The following B3GALT1 variants were observed in gnomAD, a reference collection of about 807,000 sequenced individuals.
B3GALT1 encodes the protein UDP-Gal:betaGlcNAc beta 1,3-galactosyltransferase, polypeptide 1.
A neutral mutation model predicts 23.2 loss-of-function variants in B3GALT1; 10 were observed. The ratio of observed to expected loss-of-function variants is 0.43; its 90% CI spans 0.27 to 0.73. B3GALT1 has a LOEUF of 0.73. Among genes scored for constraint, B3GALT1 ranks in the 30% least tolerant of loss-of-function variants. The pLI is 0.21. For synonymous variants in B3GALT1, 156 were observed against 141.5 expected, an observed-to-expected ratio of 1.10 and a Z score of -0.73; for missense variants, 299 against 405.4, an observed-to-expected ratio of 0.74 and a Z score of 2.25.
At chr2:167,473,681 C>A (rs1350053383) in intron 1 of B3GALT1, among the ~76,000 whole-genome samples, 1 of 151,968 alleles carries the variant, frequency 6.6e-6, no homozygotes, top group African/African-American at 2.4e-5. Flanking sequence ...TTATCACAAT[C>A]AAGAGATGGA....
intron 1 of B3GALT1, among the ~76,000 whole-genome samples, chr2:167,488,614 G>A (rs1190895801): frequency 6.6e-6 from 1 of 152,204 alleles, no homozygotes; most frequent in Non-Finnish European, 1.5e-5. Context: ...TACAAGTTGA[G>A]TTACAATAAA....
At chr2:167,655,551 G>A (rs1683949634) in intron 3 of B3GALT1, among the ~76,000 whole-genome samples, 1 of 152,144 alleles carries the variant, frequency 6.6e-6, no homozygotes, top group African/African-American at 2.4e-5. Context: ...TAGCAAGGGA[G>A]CTCAGAAAGT....
At chr2:167,604,772 T>G (rs1338678500) in intron 2 of B3GALT1, among the ~76,000 whole-genome samples, 1 of 152,228 alleles carries the variant, frequency 6.6e-6, no homozygotes, top group African/African-American at 2.4e-5. Flanking sequence ...GGGACAGGCA[T>G]GTTTGGTGCC....
chr2:167,744,711 C>A (rs1404947842), intron 3 of B3GALT1, among the ~76,000 whole-genome samples: 2 of 152,274 alleles, frequency 1.3e-5, no homozygotes, highest in South Asian at 2.1e-4. Flanking sequence ...CCTGCATCAG[C>A]CTCCCAGGTG....
intron 1 of B3GALT1, among the ~76,000 whole-genome samples, chr2:167,294,605 T>TA (rs775050974): frequency 1.3e-5 from 2 of 152,286 alleles, no homozygotes; most frequent in Middle Eastern, 6.8e-3. Flanking sequence ...AGTATCTGCT[T>TA]AGGAAAGTTC....
chr2:167,426,582 G>A (rs1454471564), intron 1 of B3GALT1, among the ~76,000 whole-genome samples: 1 of 152,132 alleles, frequency 6.6e-6, no homozygotes, highest in Non-Finnish European at 1.5e-5. Flanking sequence ...TGGACACAGT[G>A]AAGAAGTGTC....
intron 4 of B3GALT1, among the ~76,000 whole-genome samples, chr2:167,861,855 C>T (rs1690107668): frequency 1.3e-5 from 2 of 152,202 alleles, no homozygotes; most frequent in South Asian, 4.1e-4. Flanking sequence ...TTTCAGATGT[C>T]TTACCAGCTC....
intron 1 of B3GALT1, among the ~76,000 whole-genome samples, chr2:167,346,878 C>T (rs572419654): frequency 6.6e-6 from 1 of 152,162 alleles, no homozygotes; most frequent in East Asian, 1.9e-4. Flanking sequence ...ATTTTCTACA[C>T]ACTGCTCAAA....
intron 1 of B3GALT1, among the ~76,000 whole-genome samples, chr2:167,384,193 A>T (rs954300906): frequency 6.6e-6 from 1 of 152,184 alleles, no homozygotes. Context: ...GAGTTTGAAA[A>T]CTATATTTAA....
At chr2:167,510,661 T>G (rs1433254719) in intron 2 of B3GALT1, among the ~76,000 whole-genome samples, 3 of 152,012 alleles carry the variant, frequency 2.0e-5, no homozygotes, top group Non-Finnish European at 2.9e-5. Flanking sequence ...ATTTTCAGGG[T>G]TTTCACCTGA....
chr2:167,638,543 C>T (rs778695517), intron 2 of B3GALT1, among the ~76,000 whole-genome samples: 1 of 151,986 alleles, frequency 6.6e-6, no homozygotes, highest in Non-Finnish European at 1.5e-5. Flanking sequence ...AACACATACT[C>T]CAGTGACTCT....
chr2:167,752,290 A>G (rs371669452), intron 3 of B3GALT1, among the ~76,000 whole-genome samples: 2 of 152,186 alleles, frequency 1.3e-5, no homozygotes, highest in African/African-American at 4.8e-5. Context: ...TTTTAACCTT[A>G]TATGTATATT....
rs192459773 is a variant in B3GALT1, at chr2:167,374,171, A to G, written c.-511+80837A>G. Among the ~76,000 whole-genome samples, 329 of 152,292 alleles carry G rather than the reference A, an allele frequency of 2.2e-3. 1 individual carries two copies. Among genetic ancestry groups the G allele is most frequent in the Admixed American group, 3.5e-3 (53 of 15,290 alleles). The stretch of plus-strand genomic sequence containing the variant: ...AGGATAATTGTCTCCAGCTGCGTCC[A>G]TGCAGCTGGCAATGGATATGATTTT... On this transcript the variant is annotated intron_variant, in intron 1 of 4. Coordinates refer to ENST00000392690, the MANE Select transcript of B3GALT1 (RefSeq NM_020981.4).
At chr2:167,828,957 TCA>T (rs1333786643) in intron 4 of B3GALT1, among the ~76,000 whole-genome samples, 1 of 152,184 alleles carries the variant, frequency 6.6e-6, no homozygotes, top group African/African-American at 2.4e-5. Context: ...ATGCTGTCCC[TCA>T]CAACTGACTG....
chr2:167,843,892 T>C (rs1460353865), intron 4 of B3GALT1, among the ~76,000 whole-genome samples: 1 of 152,188 alleles, frequency 6.6e-6, no homozygotes, highest in Non-Finnish European at 1.5e-5. Flanking sequence ...GTGCCTTTGT[T>C]CTCTGACACC....
chr2:167,355,170 C>G (rs541392165), intron 1 of B3GALT1, among the ~76,000 whole-genome samples: 1 of 152,340 alleles, frequency 6.6e-6, no homozygotes, highest in Admixed American at 6.5e-5. Context: ...TTCTTTACCT[C>G]TTTCTCTTTT....
intron 1 of B3GALT1, among the ~76,000 whole-genome samples, chr2:167,319,452 ATACC>A (rs1407823369): frequency 5.9e-5 from 9 of 152,100 alleles, no homozygotes; most frequent in Admixed American, 5.2e-4. Context: ...CAGTTATCAA[ATACC>A]TATGCAAACA....
intron 3 of B3GALT1, among the ~76,000 whole-genome samples, chr2:167,794,079 G>T (rs891765952): frequency 1.3e-5 from 2 of 152,154 alleles, no homozygotes; most frequent in African/African-American, 4.8e-5. Flanking sequence ...TGCGCTTTTT[G>T]CTCTTCAAAC....
chr2:167,793,046 T>G (rs1688472135), intron 3 of B3GALT1, among the ~76,000 whole-genome samples: 1 of 152,074 alleles, frequency 6.6e-6, no homozygotes, highest in Non-Finnish European at 1.5e-5. Flanking sequence ...TCAATGAAAA[T>G]TATATAAACC....
Sources: allele counts gnomAD v4.1 joint callset (sites outside exome capture counted in the v4.1 genomes callset), GRCh38; gene constraint gnomAD v4.1.1; transcripts MANE v1.5; gene names NCBI Gene and HGNC (gene_info 2026-07-23, HGNC 2026-07-21).